Variants in IL13RA1 observed in about 807,000 individuals in gnomAD.
The protein encoded by IL13RA1 is interleukin 13 receptor subunit alpha 1.
IL13RA1 carries 14 observed loss-of-function variants against 33.8 expected under a neutral mutation model. The ratio of observed to expected loss-of-function variants is 0.41; its 90% confidence interval spans 0.27 to 0.65. IL13RA1 has a LOEUF of 0.65. Ranked by LOEUF, IL13RA1 falls within the 30% of genes least tolerant of loss-of-function variation. The pLI is 0.28. For missense variants in IL13RA1, 313 were observed against 327.0 expected (o/e 0.96, Z 0.33); for synonymous variants, 116 against 115.7 (o/e 1.00, Z -0.02).
chrX:118,751,242 G>A (rs1163715732), intron 4 of IL13RA1, among the ~76,000 whole-genome samples: 2 of 112,408 alleles, frequency 1.8e-5, no homozygotes, highest in Admixed American at 9.4e-5. Context: ...TCCCTTTAGA[G>A]CCTAGAATTA....
chrX:118,788,599 T>C (rs899075648), intron 10 of IL13RA1, among the ~76,000 whole-genome samples: 1 of 111,743 alleles, frequency 8.9e-6, no homozygotes, highest in Non-Finnish European at 1.9e-5. Context: ...CTAGCCATTT[T>C]CAGGAAAAGT....
intron 5 of IL13RA1, chrX:118,758,945 G>A (rs1219323228): frequency 9.0e-6 from 1 of 111,660 alleles, no homozygotes; most frequent in Non-Finnish European, 1.9e-5. Flanking sequence ...AATCATAGCA[G>A]GAACCCAGGC....
chrX:118,754,636 CAA>C (rs200644155), intron 4 of IL13RA1, among the ~76,000 whole-genome samples: 3 of 103,679 alleles, frequency 2.9e-5, no homozygotes, highest in African/African-American at 7.1e-5. Context: ...GACTCCATCT[CAA>C]AAAAAAAATA....
At chrX:118,786,977 G>A (rs1030154345) in intron 10 of IL13RA1, among the ~76,000 whole-genome samples, 27 of 112,126 alleles carry the variant, frequency 2.4e-4, no homozygotes, top group African/African-American at 7.5e-4. Context: ...TGTTGAGTCC[G>A]TTTATATACT....
chrX:118,790,865 A>G (rs1240887923), intron 10 of IL13RA1, among the ~76,000 whole-genome samples: 1 of 112,050 alleles, frequency 8.9e-6, no homozygotes, highest in Non-Finnish European at 1.9e-5. Flanking sequence ...AAACGAGCTT[A>G]GACATAACCT....
Position 118,727,628 on chromosome X carries a change from C to T in IL13RA1, c.-11C>T. 1 of 914,644 alleles carries T rather than the reference C, an allele frequency of 1.1e-6. No homozygotes were observed. Among genetic ancestry groups the T allele is most frequent in the East Asian group, 4.3e-5 (1 of 23,421 alleles). 75.4% of individuals were successfully genotyped at this position (914,644 alleles called of 1,213,427 possible). On this transcript the variant is annotated 5_prime_UTR_variant, in exon 1 of 11. Transcript: ENST00000371666. Reference sequence around the variant, plus strand: ...GCTCCAGCCCGGCCGGGCTCCGAGGCGAGAGGCTGCATGGAGTGGCCGGCG... The same window carrying T: ...GCTCCAGCCCGGCCGGGCTCCGAGGTGAGAGGCTGCATGGAGTGGCCGGCG...
At chrX:118,800,952 GTTAATT>G in the IL13RA1 span, among the ~76,000 whole-genome samples, 1 of 110,924 alleles carries the variant, frequency 9.0e-6, no homozygotes, top group East Asian at 2.8e-4. Context: ...ATGCTCAGCT[GTTAATT>G]TTTATTTTTT....
intron 10 of IL13RA1, among the ~76,000 whole-genome samples, chrX:118,786,890 C>T (rs957890431): frequency 1.8e-5 from 2 of 112,153 alleles, no homozygotes; most frequent in East Asian, 5.6e-4. Flanking sequence ...AATGCAAACC[C>T]TTCCCTTTAT....
intron 2 of IL13RA1, 82 bp from the exon 3 acceptor site, chrX:118,746,872 C>T: frequency 1.5e-6 from 1 of 686,892 alleles, no homozygotes; most frequent in East Asian, 3.3e-5. Context: ...ATAAAAAAAG[C>T]ACCACATTTA....
At chrX:118,735,383 C>T (rs899182210) in intron 1 of IL13RA1, among the ~76,000 whole-genome samples, 1 of 110,793 alleles carries the variant, frequency 9.0e-6, no homozygotes, top group Non-Finnish European at 1.9e-5. Context: ...TTTCTAGTTA[C>T]GCAAGTTGTA....
chrX:118,745,943 C>A (rs1435794525), intron 2 of IL13RA1, among the ~76,000 whole-genome samples: 1 of 111,694 alleles, frequency 9.0e-6, no homozygotes, highest in African/African-American at 3.3e-5. Context: ...CCTATGGTTC[C>A]ACAAAGCTTA....
chrX:118,740,472 G>T (rs1350668951), intron 1 of IL13RA1, among the ~76,000 whole-genome samples: 1 of 112,228 alleles, frequency 8.9e-6, no homozygotes, highest in Non-Finnish European at 1.9e-5. Context: ...TCACCTGCTT[G>T]TTGCTTCAGT....
At chrX:118,740,888 T>C (rs892647519) in intron 1 of IL13RA1, 129 bp from the exon 2 acceptor site, 7 of 550,915 alleles carry the variant, frequency 1.3e-5, no homozygotes, top group Non-Finnish European at 2.2e-5. Flanking sequence ...GAATAGTCCC[T>C]GGCCCAGTAA....
Position 118,793,725 on chromosome X carries a change from C to G in IL13RA1, c.*1871C>G, listed in dbSNP as rs1442658476. 1 of 111,843 alleles carries G rather than the reference C, an allele frequency of 8.9e-6. No homozygotes were observed. The highest frequency in any genetic ancestry group is 1.9e-5 in the Non-Finnish European group (1 of 53,144). The allele number at this position is 111,843 out of a possible 1,213,427, so 9.2% of individuals were successfully genotyped here. A position where few individuals can be genotyped will look rare whatever the true frequency, so the allele number is the denominator to read the frequency against. ...AATGATGCTATTTGCAATTCCTGCT[C>G]CTAGGGGAGGGGAGATAAGAAACCC... On this transcript the variant is annotated 3_prime_UTR_variant, in exon 11 of 11. Coordinates refer to ENST00000371666, the MANE Select transcript of IL13RA1 (RefSeq NM_001560.3).
chrX:118,803,571 T>C, the IL13RA1 span, among the ~76,000 whole-genome samples: 1 of 112,467 alleles, frequency 8.9e-6, no homozygotes, highest in Admixed American at 9.4e-5. Flanking sequence ...AGTCAGTGTT[T>C]ACATTTCCCC....
rs542658517 is a variant in IL13RA1, at chrX:118,780,151, A to G, written c.1191+3640A>G. On this transcript the variant is annotated intron_variant, in intron 10 of 10. Coordinates refer to ENST00000371666, the MANE Select transcript of IL13RA1 (RefSeq NM_001560.3). ...GGGAAGGGTAAGAGAACAAATTTTT[A>G]TGTCGGCTTTTAACCAAATGAAAAA... Among the ~76,000 whole-genome samples the G allele has an allele frequency of 1.3e-4, 14 of 111,979 alleles. No individual in the cohort carries two copies. The South Asian group carries it at 4.8e-3, about 38-fold the overall frequency.
Position 118,793,825 on chromosome X carries a change from C to G in IL13RA1, c.*1971C>G, listed in dbSNP as rs749945765. The G allele has an allele frequency of 8.9e-6, 1 of 111,813 alleles. No homozygotes were observed. The highest frequency in any genetic ancestry group is 1.9e-5 in the Non-Finnish European group (1 of 53,168). 9.2% of individuals were successfully genotyped at this position (111,813 alleles called of 1,213,427 possible). ...GTAGAAGCATGGTGCCCTGGCTTCT[C>G]TGAGGAAGCTGGGGTTCATGACAAT... On this transcript the variant is annotated 3_prime_UTR_variant, in exon 11 of 11. Transcript: ENST00000371666.
At chrX:118,730,839 A>G (rs1052630256) in intron 1 of IL13RA1, among the ~76,000 whole-genome samples, 3 of 112,054 alleles carry the variant, frequency 2.7e-5, no homozygotes, top group Non-Finnish European at 5.6e-5. Flanking sequence ...GCATATTTGC[A>G]TGATTGGGGT....
At chrX:118,769,994 G>A (rs892584910) in intron 8 of IL13RA1, 6 of 211,138 alleles carry the variant, frequency 2.8e-5, no homozygotes, top group Non-Finnish European at 4.4e-5. Context: ...CAACTACACC[G>A]GCGACCCGGG....
Sources: allele counts gnomAD v4.1 joint callset (sites outside exome capture counted in the v4.1 genomes callset), GRCh38; gene constraint gnomAD v4.1.1; transcripts MANE v1.5; gene names NCBI Gene and HGNC (gene_info 2026-07-23, HGNC 2026-07-21).